Variants in CASR observed in about 807,000 individuals in gnomAD.
CASR encodes the protein calcium sensing receptor, also known as extracellular calcium-sensing receptor.
Under a neutral mutation model 69.1 loss-of-function variants are expected in CASR, and 23 were observed. That is an observed-to-expected ratio of 0.33 (90% confidence interval 0.24 to 0.47). CASR has a LOEUF of 0.47. Among genes scored for constraint, CASR ranks in the 20% least tolerant of loss-of-function variants. The pLI is 1.00. For missense variants in CASR, 924 were observed against 1,356.1 expected, an observed-to-expected ratio of 0.68 and a Z score of 5.00; for synonymous variants, 541 against 544.7, an observed-to-expected ratio of 0.99 and a Z score of 0.10.
At chr3:122,253,844 CT>C in intron 1 of CASR, 103 bp from the exon 2 acceptor site, 1 of 333,588 alleles carries the variant, frequency 3.0e-6, no homozygotes, top group Non-Finnish European at 5.7e-6. Flanking sequence ...TCTGCCACCC[CT>C]AGGCCCCTCT....
At chr3:122,184,091 G>A (rs2073749238) in intron 1 of CASR, 1 of 152,288 alleles carries the variant, frequency 6.6e-6, no homozygotes, top group Non-Finnish European at 1.5e-5. Flanking sequence ...TGTGGCCCTC[G>A]GGGAACCGAA....
At chr3:122,257,410 G>A (rs1000946312) in intron 3 of CASR, 23 bp downstream of exon 3, 3 of 1,580,512 alleles carry the variant, frequency 1.9e-6, no homozygotes, top group Non-Finnish European at 2.6e-6. Flanking sequence ...TCTCAGGCGG[G>A]GCACTGGGAG....
At chr3:122,206,725 G>A (rs56368292) in intron 1 of CASR, among the ~76,000 whole-genome samples, 73,963 of 151,800 alleles carry the variant, frequency 0.49, 18,945 homozygotes, top group African/African-American at 0.59. Context: ...TTTGATGAGA[G>A]ACTTTTATTA....
At chr3:122,257,825 A>T (rs2074572863) in intron 3 of CASR, among the ~76,000 whole-genome samples, 2 of 152,236 alleles carry the variant, frequency 1.3e-5, no homozygotes. Context: ...TTTAGCTCAG[A>T]GGGAAGCAGA....
chr3:122,279,210 C>T (rs1177056360), intron 5 of CASR, among the ~76,000 whole-genome samples: 1 of 152,162 alleles, frequency 6.6e-6, no homozygotes, highest in South Asian at 2.1e-4. Flanking sequence ...AGGTGTCCAA[C>T]ATTATGGAGT....
At chr3:122,200,403 ACCTTATACC>A (rs1352188899) in intron 1 of CASR, among the ~76,000 whole-genome samples, 3 of 152,184 alleles carry the variant, frequency 2.0e-5, no homozygotes, top group African/African-American at 7.2e-5. Flanking sequence ...TACATATATT[ACCTTATACC>A]AGAAACAGCT....
chr3:122,277,387 C>T (rs183059521), intron 5 of CASR, among the ~76,000 whole-genome samples: 170 of 152,170 alleles, frequency 1.1e-3, no homozygotes, highest in African/African-American at 3.8e-3. Flanking sequence ...AGACTCGCTT[C>T]GTCTTCTTAT....
rs571960753 is a variant in CASR, at chr3:122,264,840, G to A, written c.1377+2428G>A. Among the ~76,000 whole-genome samples, 6 of 152,250 alleles carry A rather than the reference G, an allele frequency of 3.9e-5. No individual in the cohort carries two copies. In the South Asian group the frequency reaches 1.2e-3, roughly 32 times the overall value. On this transcript the variant is annotated intron_variant, in intron 4 of 6. Transcript: ENST00000639785. ...TTATTAAGACCTATATCTTCATCAG[G>A]AAATCAACTAGCAATTATTCATTCA... is the stretch of plus-strand genomic sequence containing the variant.
At chr3:122,250,751 G>A (rs900305686) in intron 1 of CASR, among the ~76,000 whole-genome samples, 9 of 152,044 alleles carry the variant, frequency 5.9e-5, no homozygotes, top group Admixed American at 1.3e-4. Context: ...GCTTTTATTC[G>A]ATAAACATTT....
At chr3:122,225,359 T>C (rs896109102) in intron 1 of CASR, among the ~76,000 whole-genome samples, 2 of 148,560 alleles carry the variant, frequency 1.3e-5, no homozygotes, top group Non-Finnish European at 3.0e-5. Context: ...GTAAGGAACT[T>C]AAACAATTGA....
intron 4 of CASR, among the ~76,000 whole-genome samples, chr3:122,263,638 C>T (rs1024189059): frequency 1.3e-5 from 2 of 152,204 alleles, no homozygotes; most frequent in African/African-American, 4.8e-5. Flanking sequence ...TCATGAAAGA[C>T]AAGGAGTGAC....
In CASR at chr3:122,290,469, A is replaced by T. The variant is rs902307121; in HGVS notation, c.*5278A>T. 6.6e-5 allele frequency: 10 copies of T among 152,238 alleles called. No individual in the cohort carries two copies. The highest frequency in any genetic ancestry group is 5.9e-4 in the Admixed American group (9 of 15,284). 9.4% of individuals were successfully genotyped at this position (152,238 alleles called of 1,614,324 possible). On this transcript the variant is annotated 3_prime_UTR_variant, in exon 7 of 7. Coordinates refer to ENST00000639785, the MANE Select transcript of CASR (RefSeq NM_000388.4). The stretch of plus-strand genomic sequence containing the variant: ...GTTTCTATCTGACCTCTCATTATAA[A>T]TGAGAAACTTATAAATTATAAATAT...
intron 1 of CASR, among the ~76,000 whole-genome samples, chr3:122,194,027 A>G (rs1352373361): frequency 6.6e-6 from 1 of 152,028 alleles, no homozygotes; most frequent in Non-Finnish European, 1.5e-5. Context: ...CTTGGCCCCA[A>G]AGCCTAAGCT....
intron 5 of CASR, 146 bp downstream of exon 5, chr3:122,276,188 C>A (rs568732546): frequency 2.9e-6 from 2 of 693,290 alleles, no homozygotes; most frequent in South Asian, 3.1e-5. Flanking sequence ...AATCTTGGGG[C>A]TCCCTGTGAA....
intron 1 of CASR, among the ~76,000 whole-genome samples, chr3:122,244,708 G>A (rs1377252990): frequency 6.6e-6 from 1 of 151,992 alleles, no homozygotes; most frequent in Non-Finnish European, 1.5e-5. Flanking sequence ...GGAAATTCTT[G>A]TATGATTTGT....
chr3:122,247,736 C>T (rs546072096), intron 1 of CASR: 2 of 152,380 alleles, frequency 1.3e-5, no homozygotes, highest in East Asian at 3.9e-4. Flanking sequence ...CTGGCCCTGT[C>T]TTCAAGGAGC....
chr3:122,230,043 A>G (rs1317201411), intron 1 of CASR, among the ~76,000 whole-genome samples: 1 of 152,226 alleles, frequency 6.6e-6, no homozygotes, highest in South Asian at 2.1e-4. Context: ...GATTTGTACT[A>G]AACATATTCT....
At chr3:122,193,801 G>C (rs965670468) in intron 1 of CASR, among the ~76,000 whole-genome samples, 5 of 152,184 alleles carry the variant, frequency 3.3e-5, no homozygotes, top group African/African-American at 1.2e-4. Flanking sequence ...GATTATATCT[G>C]CCAAATCTAG....
intron 1 of CASR, among the ~76,000 whole-genome samples, chr3:122,218,677 A>G (rs1233647759): frequency 6.6e-6 from 1 of 152,192 alleles, no homozygotes; most frequent in Non-Finnish European, 1.5e-5. Context: ...TGAGCCCCAG[A>G]TGCTCTGCTA....
Sources: allele counts gnomAD v4.1 joint callset (sites outside exome capture counted in the v4.1 genomes callset), GRCh38; gene constraint gnomAD v4.1.1; transcripts MANE v1.5; gene names NCBI Gene and HGNC (gene_info 2026-07-23, HGNC 2026-07-21).